The following ADGRF5 variants were observed in gnomAD, a reference collection of about 807,000 sequenced individuals.
ADGRF5 encodes adhesion G protein-coupled receptor F5, also known as G-protein coupled receptor 116.
Under a neutral mutation model 132.3 loss-of-function variants are expected in ADGRF5, and 75 were observed. The observed-to-expected ratio is 0.57, with a 90% CI of 0.47 to 0.69. The LOEUF (loss-of-function observed/expected upper bound fraction) is 0.69. Ranked by LOEUF, ADGRF5 falls within the 30% of genes least tolerant of loss-of-function variation. The pLI, the probability that ADGRF5 is intolerant of heterozygous loss-of-function variation, is 0.00. For synonymous variants in ADGRF5, 629 were observed against 597.6 expected, an observed-to-expected ratio of 1.05 and a Z score of -0.77; for missense variants, 1,516 against 1,630.6, an observed-to-expected ratio of 0.93 and a Z score of 1.21.
intron 1 of ADGRF5, among the ~76,000 whole-genome samples, chr6:46,948,380 G>T (rs1778373829): frequency 6.6e-6 from 1 of 151,922 alleles, no homozygotes; most frequent in Non-Finnish European, 1.5e-5. Flanking sequence ...GATCTGTTAT[G>T]CCCATTTCAT....
chr6:46,952,647 T>C lies in ADGRF5; in HGVS notation c.-25+2087A>G, dbSNP rs140425380. On this transcript the variant is annotated intron_variant, in intron 1 of 20. Coordinates refer to the ADGRF5 transcript ENST00000265417. The stretch of plus-strand genomic sequence containing the variant: ...AAATATCCTTGGAAGATTCAAACTA[T>C]AGATCTCGATCTGATAATTAGGGTT... 4.0e-3 allele frequency among the ~76,000 whole-genome samples: 604 copies of C among 152,350 alleles called. 4 individuals are homozygous for C. Among genetic ancestry groups the C allele is most frequent in the African/African-American group, 0.014 (579 of 41,584 alleles).
At chr6:46,861,594 T>C (rs1769753517) in intron 15 of ADGRF5, among the ~76,000 whole-genome samples, 1 of 152,224 alleles carries the variant, frequency 6.6e-6, no homozygotes, top group Non-Finnish European at 1.5e-5. Context: ...TAGTGTCATC[T>C]TGTGTTCTAA....
chr6:46,873,138 C>T (rs141391389), intron 10 of ADGRF5, among the ~76,000 whole-genome samples: 3 of 152,164 alleles, frequency 2.0e-5, no homozygotes, highest in African/African-American at 7.2e-5. Flanking sequence ...TTTGCCCTTC[C>T]TCACCCTGTG....
Position 46,932,549 on chromosome 6 carries a change from G to C in ADGRF5, c.-25+22185C>G, listed in dbSNP as rs116288561. On this transcript the variant is annotated intron_variant, in intron 1 of 20. Transcript: ENST00000265417. ...CCTGAAGCCCTTTGTTTGTTAATAGGGGTACAGAGCTCCCCCATGCCACAA... is the reference window on the plus strand; with the variant it reads ...CCTGAAGCCCTTTGTTTGTTAATAGCGGTACAGAGCTCCCCCATGCCACAA... Among the ~76,000 whole-genome samples the C allele has an allele frequency of 8.7e-3, 1,322 of 152,196 alleles. 15 individuals are homozygous for C. The highest frequency in any genetic ancestry group is 0.03 in the African/African-American group (1,244 of 41,510).
At chr6:46,901,325 T>C (rs1774739768) in intron 2 of ADGRF5, among the ~76,000 whole-genome samples, 1 of 152,074 alleles carries the variant, frequency 6.6e-6, no homozygotes, top group Non-Finnish European at 1.5e-5. Context: ...TCCAAACTCC[T>C]TTCACACTCA....
chr6:46,879,795 C>T (rs1388387139), intron 9 of ADGRF5, 23 bp downstream of exon 9: 16 of 1,468,240 alleles, frequency 1.1e-5, no homozygotes, highest in Non-Finnish European at 1.4e-5. Flanking sequence ...ATTCCTCACA[C>T]AAGTTACTGA....
At chr6:46,923,372 C>G (rs953485333), upstream of ADGRF5, among the ~76,000 whole-genome samples, 2 of 152,216 alleles carry the variant, frequency 1.3e-5, no homozygotes, top group Admixed American at 1.3e-4. Context: ...CATCCTCTCT[C>G]CCCTCCAGCT....
At chr6:46,909,452 C>G (rs537420045) in intron 1 of ADGRF5, among the ~76,000 whole-genome samples, 1 of 152,352 alleles carries the variant, frequency 6.6e-6, no homozygotes, top group African/African-American at 2.4e-5. Flanking sequence ...TTCCTGGTCT[C>G]CTCTGACTCT....
intron 16 of ADGRF5, among the ~76,000 whole-genome samples, chr6:46,860,314 T>C (rs1241065031): frequency 1.3e-5 from 2 of 152,164 alleles, no homozygotes; most frequent in East Asian, 3.9e-4. Context: ...TTTGAACTCT[T>C]GTAGGTGAAT....
intron 6 of ADGRF5, among the ~76,000 whole-genome samples, chr6:46,883,353 T>A (rs1772695096): frequency 6.6e-6 from 1 of 152,230 alleles, no homozygotes; most frequent in Non-Finnish European, 1.5e-5. Context: ...GAGAAAAATT[T>A]ATGCTTATAG....
intron 1 of ADGRF5, among the ~76,000 whole-genome samples, chr6:46,950,600 C>T (rs895270873): frequency 6.6e-6 from 1 of 152,128 alleles, no homozygotes; most frequent in Non-Finnish European, 1.5e-5. Flanking sequence ...CTGAAACCTC[C>T]GCCTCCCGGG....
intron 3 of ADGRF5, among the ~76,000 whole-genome samples, chr6:46,891,095 G>C (rs765890365): frequency 6.6e-6 from 1 of 152,206 alleles, no homozygotes; most frequent in African/African-American, 2.4e-5. Context: ...AAAAAGGTCT[G>C]TCGCATATTT....
intron 10 of ADGRF5, among the ~76,000 whole-genome samples, chr6:46,877,222 CCTCT>C (rs754999224): frequency 2.7e-5 from 4 of 147,250 alleles, no homozygotes; most frequent in South Asian, 2.2e-4. Flanking sequence ...TAATTTATTT[CCTCT>C]CTTTCTTTCT....
rs367696314 is a variant in ADGRF5 at position 46,947,804 on chromosome 6, T to C, written c.-25+6930A>G. On this transcript the variant is annotated intron_variant, in intron 1 of 20. Coordinates refer to the ADGRF5 transcript ENST00000265417. ...ATTCTCACCAAAGGGCTACAGCACA[T>C]TTTCCTGAATCTGCGGACCTTGGAG... 2.0e-5 allele frequency among the ~76,000 whole-genome samples: 3 copies of C among 152,294 alleles called. No homozygotes were observed. The South Asian group carries it at 6.2e-4, about 32-fold the overall frequency.
At chr6:46,861,750 C>A (rs1178459173) in intron 15 of ADGRF5, among the ~76,000 whole-genome samples, 1 of 152,162 alleles carries the variant, frequency 6.6e-6, no homozygotes, top group African/African-American at 2.4e-5. Context: ...TAAGTATATG[C>A]TGAATGGATA....
At chr6:46,913,039 A>G (rs1333893866) in intron 1 of ADGRF5, among the ~76,000 whole-genome samples, 2 of 152,146 alleles carry the variant, frequency 1.3e-5, no homozygotes, top group African/African-American at 2.4e-5. Flanking sequence ...TTTCTAATAA[A>G]TTTGCCTTTC....
intron 12 of ADGRF5, among the ~76,000 whole-genome samples, chr6:46,867,430 T>C (rs1038300443): frequency 6.6e-6 from 1 of 152,090 alleles, no homozygotes; most frequent in African/African-American, 2.4e-5. Flanking sequence ...TCAAACCAGG[T>C]TTTCAATTTC....
At position 46,873,684 on chromosome 6, in the gene ADGRF5, T is replaced by C. The variant is rs532292222; in HGVS notation, c.1241-1671A>G. Among the ~76,000 whole-genome samples, 25 of 152,302 alleles carry C rather than the reference T, an allele frequency of 1.6e-4. No individual in the cohort carries two copies. The South Asian group carries it at 3.7e-3, about 23-fold the overall frequency. On this transcript the variant is annotated intron_variant, in intron 10 of 20. Transcript: ENST00000283296. Reference sequence around the variant, plus strand: ...ATTTGGATGACTCCCACTCTATTTCTAAGAGCAACACTCTCGTTGGAAACT... The same window carrying C: ...ATTTGGATGACTCCCACTCTATTTCCAAGAGCAACACTCTCGTTGGAAACT...
chr6:46,914,205 T>A (rs1776228871), intron 1 of ADGRF5, among the ~76,000 whole-genome samples: 1 of 152,168 alleles, frequency 6.6e-6, no homozygotes, highest in African/African-American at 2.4e-5. Context: ...AGAGTTGCAA[T>A]AAGGATAGAA....
Sources: gnomAD v4.1 joint callset for allele counts (sites outside exome capture counted in the v4.1 genomes callset) on GRCh38, gnomAD v4.1.1 for gene constraint, MANE v1.5 for transcripts, NCBI Gene and HGNC (gene_info 2026-07-23, HGNC 2026-07-21) for gene names.